DTHD1: variants seen among roughly 807,000 people sequenced by gnomAD.
DTHD1 encodes death domain-containing protein 1.
Under a neutral mutation model 74.8 loss-of-function variants are expected in DTHD1, and 59 were observed. The observed-to-expected ratio is 0.79, with a 90% CI of 0.64 to 0.98. The LOEUF (loss-of-function observed/expected upper bound fraction) is 0.98, where lower values mean the gene tolerates loss of function less well. Among genes scored for constraint, DTHD1 ranks in the 50% least tolerant of loss-of-function variants. The probability of loss-of-function intolerance (pLI) is 0.00; values close to 1 mark genes in which losing one functional copy is unlikely to be tolerated. For missense variants in DTHD1, 1,051 were observed against 1,065.4 expected (o/e 0.99, Z 0.19); for synonymous variants, 365 against 371.1 (o/e 0.98, Z 0.19).
chr4:36,314,766 TTTTTG>T (rs747201458), intron 7 of DTHD1, among the ~76,000 whole-genome samples: 3,155 of 141,074 alleles, frequency 0.022, 54 homozygotes, highest in South Asian at 0.035. Flanking sequence ...TTTTTTTTTT[TTTTTG>T]CATGCAAATT....
chr4:36,314,511 CAAA>C (rs35806275), intron 7 of DTHD1, among the ~76,000 whole-genome samples: 2 of 74,480 alleles, frequency 2.7e-5, no homozygotes, highest in Non-Finnish European at 2.4e-5. Context: ...CCCGTCTCTA[CAAA>C]AAAAAAAAAA....
chr4:36,301,425 T>A (rs1279097574), intron 5 of DTHD1, among the ~76,000 whole-genome samples: 1 of 152,086 alleles, frequency 6.6e-6, no homozygotes, highest in South Asian at 2.1e-4. Flanking sequence ...ACTCCAGAGT[T>A]GTCGACAGCC....
intron 4 of DTHD1, among the ~76,000 whole-genome samples, chr4:36,294,014 A>C (rs1282934423): frequency 1.3e-5 from 2 of 152,100 alleles, no homozygotes; most frequent in East Asian, 3.8e-4. Flanking sequence ...AATTGACAAC[A>C]GACTTTGGAA....
At chr4:36,290,316 G>T (rs1755987627) in intron 2 of DTHD1, 57 bp from the exon 3 acceptor site, 4 of 1,456,532 alleles carry the variant, frequency 2.7e-6, no homozygotes, top group African/African-American at 1.4e-5. Context: ...TCTGCATTTA[G>T]CTGTAAAGTA....
At chr4:36,338,659 G>A (rs1036299036) in intron 8 of DTHD1, among the ~76,000 whole-genome samples, 1 of 151,960 alleles carries the variant, frequency 6.6e-6, no homozygotes, top group Non-Finnish European at 1.5e-5. Flanking sequence ...ATAAAAGGTT[G>A]ATTTTCGAAT....
intron 8 of DTHD1, among the ~76,000 whole-genome samples, chr4:36,337,727 A>G (rs1231990678): frequency 6.6e-6 from 1 of 152,170 alleles, no homozygotes; most frequent in Non-Finnish European, 1.5e-5. Flanking sequence ...AATATTTGTG[A>G]CAAGGATGCC....
intron 8 of DTHD1, among the ~76,000 whole-genome samples, chr4:36,332,456 G>A (rs1033128997): frequency 6.6e-5 from 10 of 152,200 alleles, no homozygotes; most frequent in South Asian, 2.1e-4. Context: ...CATTCTTTGC[G>A]GCTGGGAAGG....
chr4:36,341,432 A>T (rs1319538249), intron 9 of DTHD1, among the ~76,000 whole-genome samples: 1 of 152,204 alleles, frequency 6.6e-6, no homozygotes, highest in Non-Finnish European at 1.5e-5. Context: ...CTCAAGTCAA[A>T]TGGCTTTGGG....
intron 3 of DTHD1, 52 bp from the exon 4 acceptor site, chr4:36,293,474 T>C (rs1756202392): frequency 7.3e-7 from 1 of 1,362,438 alleles, no homozygotes; most frequent in South Asian, 1.9e-5. Context: ...ATACAGCAAA[T>C]ATTTTTCAAA....
intron 8 of DTHD1, among the ~76,000 whole-genome samples, chr4:36,324,776 T>C (rs1032414170): frequency 2.6e-5 from 4 of 152,296 alleles, no homozygotes; most frequent in Middle Eastern, 3.4e-3. Context: ...TAAATAATAA[T>C]TGAATACAAC....
chr4:36,317,084 T>A (rs983519997), intron 8 of DTHD1, among the ~76,000 whole-genome samples: 17 of 152,208 alleles, frequency 1.1e-4, no homozygotes, highest in African/African-American at 4.1e-4. Flanking sequence ...AACTGAAAAA[T>A]TTACTTCATT....
intron 8 of DTHD1, among the ~76,000 whole-genome samples, chr4:36,330,468 T>C (rs1758598538): frequency 6.6e-6 from 1 of 152,156 alleles, no homozygotes; most frequent in African/African-American, 2.4e-5. Context: ...CATAATAACC[T>C]CACAAGGATG....
chr4:36,281,618 C>G lies in DTHD1; in HGVS notation c.-141C>G. On this transcript the variant is annotated 5_prime_UTR_variant, in exon 1 of 10. Coordinates refer to ENST00000639862, the MANE Select transcript of DTHD1 (RefSeq NM_001170700.3). ...ACTAGTCAACACCAAACTGAATAAC[C>G]ACTATGTTGTGAGAAAGTGCTGGGC... is the stretch of plus-strand genomic sequence containing the variant. The G allele has an allele frequency of 8.3e-7, 1 of 1,209,916 alleles. No homozygotes were observed. The highest frequency in any genetic ancestry group is 1.0e-6 in the Non-Finnish European group (1 of 968,926). 74.9% of individuals were successfully genotyped at this position (1,209,916 alleles called of 1,614,324 possible). A position where few individuals can be genotyped will look rare whatever the true frequency, so the allele number is the denominator to read the frequency against.
At chr4:36,334,818 G>A (rs1174297236) in intron 8 of DTHD1, among the ~76,000 whole-genome samples, 1 of 152,178 alleles carries the variant, frequency 6.6e-6, no homozygotes, top group Admixed American at 6.5e-5. Flanking sequence ...AAACCTTGCT[G>A]TGCAGATTGT....
intron 8 of DTHD1, among the ~76,000 whole-genome samples, chr4:36,323,101 A>G (rs1275077863): frequency 3.9e-5 from 6 of 152,206 alleles, no homozygotes; most frequent in South Asian, 4.1e-4. Context: ...GGAGTTTCCC[A>G]GTAAAACCTA....
At chr4:36,320,920 C>A (rs540180832) in intron 8 of DTHD1, among the ~76,000 whole-genome samples, 1 of 152,226 alleles carries the variant, frequency 6.6e-6, no homozygotes, top group South Asian at 2.1e-4. Flanking sequence ...TCACAGAGAA[C>A]AAACAGTAAA....
chr4:36,304,123 T>C (rs1331334156), intron 5 of DTHD1, among the ~76,000 whole-genome samples: 1 of 152,102 alleles, frequency 6.6e-6, no homozygotes, highest in African/African-American at 2.4e-5. Flanking sequence ...GTCCTGGGAG[T>C]AGGGACCAGC....
At chr4:36,306,617 T>C (rs1265109591) in intron 6 of DTHD1, among the ~76,000 whole-genome samples, 1 of 152,240 alleles carries the variant, frequency 6.6e-6, no homozygotes, top group African/African-American at 2.4e-5. Context: ...AATAGCACCT[T>C]CATTTCTGAA....
chr4:36,300,557 A>G (rs937127668), intron 5 of DTHD1, among the ~76,000 whole-genome samples: 26 of 152,228 alleles, frequency 1.7e-4, no homozygotes, highest in Non-Finnish European at 3.4e-4. Context: ...GTATCAAAAA[A>G]TTCTTTTAAA....
Sources: gnomAD v4.1 joint callset for allele counts (sites outside exome capture counted in the v4.1 genomes callset) on GRCh38, gnomAD v4.1.1 for gene constraint, MANE v1.5 for transcripts, NCBI Gene and HGNC (gene_info 2026-07-23, HGNC 2026-07-21) for gene names.